Variants in SVIL observed in about 807,000 individuals in gnomAD.
The protein encoded by SVIL is supervillin, also known as archvillin.
SVIL carries 101 observed loss-of-function variants against 240.4 expected under a neutral mutation model. That is an observed-to-expected ratio of 0.42 (90% CI 0.36 to 0.50). The LOEUF (loss-of-function observed/expected upper bound fraction) is 0.50. Among genes scored for constraint, SVIL ranks in the 20% least tolerant of loss-of-function variants. The pLI, the probability that SVIL is intolerant of heterozygous loss-of-function variation, is 0.01. For synonymous variants in SVIL, 999 were observed against 1,100.0 expected, an observed-to-expected ratio of 0.91 and a Z score of 1.82; for missense variants, 2,512 against 2,818.7, an observed-to-expected ratio of 0.89 and a Z score of 2.46.
chr10:29,489,037 T>C (rs975917908), intron 22 of SVIL, among the ~76,000 whole-genome samples: 1 of 152,248 alleles, frequency 6.6e-6, no homozygotes, highest in African/African-American at 2.4e-5. Context: ...GCTACTTTAG[T>C]ACAAAACCAG....
upstream of SVIL, among the ~76,000 whole-genome samples, chr10:29,639,295 C>T (rs562018817): frequency 2.8e-4 from 42 of 152,202 alleles, no homozygotes; most frequent in Admixed American, 1.4e-3. Context: ...CCTCAGCCTC[C>T]GGAGTAGCTG....
chr10:29,628,055 T>C (rs1589419123), intron 1 of SVIL, among the ~76,000 whole-genome samples: 1 of 152,226 alleles, frequency 6.6e-6, no homozygotes, highest in East Asian at 1.9e-4. Context: ...ACAAATTGAA[T>C]TAATTGCAAA....
At chr10:29,726,501 C>A (rs570857800) in intron 1 of SVIL, among the ~76,000 whole-genome samples, 6 of 152,230 alleles carry the variant, frequency 3.9e-5, no homozygotes, top group South Asian at 2.1e-4. Context: ...AATCCCAGCA[C>A]TTTGGGAGGC....
chr10:29,637,151 G>A (rs543351852), upstream of SVIL, among the ~76,000 whole-genome samples: 1 of 151,938 alleles, frequency 6.6e-6, no homozygotes, highest in African/African-American at 2.4e-5. Flanking sequence ...TATAGTAAAG[G>A]TACAGGCCCT....
At chr10:29,648,452 A>C (rs1958735660) in intron 3 of SVIL, among the ~76,000 whole-genome samples, 1 of 152,194 alleles carries the variant, frequency 6.6e-6, no homozygotes, top group African/African-American at 2.4e-5. Context: ...AAATGATGGG[A>C]AATGTTGTCA....
intron 3 of SVIL, among the ~76,000 whole-genome samples, chr10:29,640,319 A>C (rs1264965662): frequency 6.6e-6 from 1 of 151,834 alleles, no homozygotes; most frequent in Non-Finnish European, 1.5e-5. Flanking sequence ...CCTCTTCGTA[A>C]AATGTCTCCA....
At chr10:29,527,724 CTTTTTTTTT>C (rs1213694531) in intron 12 of SVIL, among the ~76,000 whole-genome samples, 1 of 99,908 alleles carries the variant, frequency 1.0e-5, no homozygotes, top group East Asian at 2.7e-4. Context: ...TGGGCCCAGC[CTTTTTTTTT>C]TTTTTTTTTT....
intron 16 of SVIL, among the ~76,000 whole-genome samples, chr10:29,514,394 GC>G (rs1950073069): frequency 1.3e-5 from 2 of 151,884 alleles, no homozygotes; most frequent in South Asian, 4.1e-4. Context: ...GCATCACTGC[GC>G]CTGGTTAATT....
At chr10:29,536,214 T>A (rs1459809024) in intron 6 of SVIL, 145 bp from the exon 7 acceptor site, 1 of 757,742 alleles carries the variant, frequency 1.3e-6, no homozygotes, top group Non-Finnish European at 2.2e-6. Flanking sequence ...GGAGTACACA[T>A]GGTCACAAAG....
intron 29 of SVIL, among the ~76,000 whole-genome samples, chr10:29,477,629 G>A (rs1269946958): frequency 1.3e-5 from 2 of 152,238 alleles, no homozygotes; most frequent in Non-Finnish European, 2.9e-5. Flanking sequence ...GTGTCACCAA[G>A]GGGCCAGAGC....
chr10:29,581,142 T>C (rs1312067686), intron 1 of SVIL, among the ~76,000 whole-genome samples: 1 of 152,260 alleles, frequency 6.6e-6, no homozygotes, highest in African/African-American at 2.4e-5. Flanking sequence ...CATATTTTCA[T>C]AGCCCAGTAA....
At chr10:29,625,171 C>T (rs946315248) in intron 1 of SVIL, among the ~76,000 whole-genome samples, 1 of 152,098 alleles carries the variant, frequency 6.6e-6, no homozygotes, top group African/African-American at 2.4e-5. Flanking sequence ...TCCAATGTTA[C>T]TAAACTCCTT....
chr10:29,463,615 G>T lies in SVIL; in HGVS notation c.6154C>A (p.His2052Asn). The T allele has an allele frequency of 6.2e-7, 1 of 1,614,096 alleles. No individual in the cohort carries two copies. Among genetic ancestry groups the T allele is most frequent in the South Asian group, 1.1e-5 (1 of 91,084 alleles). The change falls in exon 35 of 38, where the codon CAC (histidine) becomes AAC (asparagine). Residue 2052 changes from histidine to asparagine, a missense_variant. By Grantham distance (68) the His-to-Asn change is moderately conservative (BLOSUM62 1). This residue lies in a region of SVIL where 797 missense variants were observed against 925.3 expected (regional missense o/e 0.86). Coordinates refer to ENST00000355867, the MANE Select transcript of SVIL (RefSeq NM_021738.3). The part of the protein sequence containing the change: ...PQPALFLVDN[H>N]HEVYLWQGWW... ...CCTTGCCAGAGGTACACCTCGTGGT[G>T]ATTGTCAACAAGGAAAAGTGCTGTG...
chr10:29,614,043 C>T (rs1254858966), intron 1 of SVIL, among the ~76,000 whole-genome samples: 1 of 152,122 alleles, frequency 6.6e-6, no homozygotes, highest in Non-Finnish European at 1.5e-5. Flanking sequence ...AGGAAACTGG[C>T]TCTGGAATGG....
intron 29 of SVIL, among the ~76,000 whole-genome samples, chr10:29,474,467 C>T (rs1945945516): frequency 1.3e-5 from 2 of 152,084 alleles, no homozygotes; most frequent in Admixed American, 6.5e-5. Context: ...TGGTGTTGCA[C>T]ACCTGTAGTC....
Position 29,458,210 on chromosome 10 carries a change from T to C in SVIL, c.*37A>G, listed in dbSNP as rs577546295. The C allele has an allele frequency of 2.5e-6, 4 of 1,602,126 alleles. No individual in the cohort carries two copies. In the African/African-American group the frequency reaches 4.0e-5, roughly 16 times the overall value. On this transcript the variant is annotated 3_prime_UTR_variant, in exon 38 of 38. Transcript: ENST00000355867. ...CATTTCCCTGGTGCAGTGGTGTTGT[T>C]GGACGTGACCGTGAGGCTCCTCTGG... is the stretch of plus-strand genomic sequence containing the variant.
At chr10:29,692,723 G>T (rs1961610366) in intron 1 of SVIL, among the ~76,000 whole-genome samples, 1 of 151,752 alleles carries the variant, frequency 6.6e-6, no homozygotes, top group African/African-American at 2.4e-5. Flanking sequence ...AAACTCCTGG[G>T]CTCAAGGAAT....
chr10:29,520,705 C>T (rs545450430), intron 16 of SVIL, among the ~76,000 whole-genome samples: 7 of 151,962 alleles, frequency 4.6e-5, no homozygotes, highest in East Asian at 1.9e-4. Context: ...GCCAGGAGTT[C>T]GAGACCAGCC....
chr10:29,534,221 G>A (rs1418873235), intron 7 of SVIL, among the ~76,000 whole-genome samples: 9 of 152,234 alleles, frequency 5.9e-5, no homozygotes. Context: ...CCAAAAGAGA[G>A]GCCGGGCCCT....
Sources: allele counts gnomAD v4.1 joint callset (sites outside exome capture counted in the v4.1 genomes callset), GRCh38; gene constraint gnomAD v4.1.1; regional missense constraint gnomAD v4.1.1; transcripts MANE v1.5; gene names NCBI Gene and HGNC (gene_info 2026-07-23, HGNC 2026-07-21).